BAZ2B: variants seen among roughly 807,000 people sequenced by gnomAD.
BAZ2B encodes the protein bromodomain adjacent to zinc finger domain protein 2B.
BAZ2B carries 91 observed loss-of-function variants against 246.0 expected under a neutral mutation model. The observed-to-expected ratio is 0.37, with a 90% CI of 0.31 to 0.44. The LOEUF is 0.44. Among genes scored for constraint, BAZ2B ranks in the 20% least tolerant of loss-of-function variants. The probability of loss-of-function intolerance (pLI) is 1.00; values close to 1 mark genes in which losing one functional copy is unlikely to be tolerated. For missense variants in BAZ2B, 2,332 were observed against 2,533.7 expected, an observed-to-expected ratio of 0.92 and a Z score of 1.71; for synonymous variants, 855 against 860.0, an observed-to-expected ratio of 0.99 and a Z score of 0.10.
chr2:159,527,517 C>A (rs1288367480), intron 2 of BAZ2B, among the ~76,000 whole-genome samples: 1 of 152,160 alleles, frequency 6.6e-6, no homozygotes, highest in East Asian at 1.9e-4. Context: ...CATGGAGAAA[C>A]TCTTCACCAA....
chr2:159,406,293 G>C (rs1222700779), intron 14 of BAZ2B, among the ~76,000 whole-genome samples: 4 of 152,198 alleles, frequency 2.6e-5, no homozygotes, highest in Non-Finnish European at 5.9e-5. Context: ...TTGGGGGCTA[G>C]GCTATTGGGA....
intron 2 of BAZ2B, among the ~76,000 whole-genome samples, chr2:159,545,159 T>G (rs1240203327): frequency 2.0e-5 from 3 of 152,204 alleles, no homozygotes; most frequent in Non-Finnish European, 4.4e-5. Flanking sequence ...GTGGAAGATG[T>G]TATCTTTAGT....
chr2:159,455,905 C>T (rs1200419809), intron 3 of BAZ2B, among the ~76,000 whole-genome samples: 1 of 150,324 alleles, frequency 6.7e-6, no homozygotes, highest in African/African-American at 2.4e-5. Context: ...CCAGTCAATT[C>T]AACTTCCTGA....
At chr2:159,504,333 A>C (rs2082116798) in intron 2 of BAZ2B, among the ~76,000 whole-genome samples, 1 of 152,018 alleles carries the variant, frequency 6.6e-6, no homozygotes, top group Non-Finnish European at 1.5e-5. Context: ...GAAACCTTAA[A>C]AATTTTTTTT....
the BAZ2B span, among the ~76,000 whole-genome samples, chr2:159,707,011 T>C: frequency 9.2e-5 from 14 of 152,330 alleles, no homozygotes; most frequent in Admixed American, 4.6e-4. Flanking sequence ...TTCAAACTTA[T>C]CAGCTTCCAC....
chr2:159,698,470 C>T, the BAZ2B span, among the ~76,000 whole-genome samples: 1 of 149,976 alleles, frequency 6.7e-6, no homozygotes, highest in Non-Finnish European at 1.5e-5. Context: ...CACCACTGCA[C>T]TCCAGCCTAG....
the BAZ2B span, among the ~76,000 whole-genome samples, chr2:159,662,196 T>C: frequency 5.9e-5 from 9 of 152,238 alleles, no homozygotes; most frequent in Non-Finnish European, 1.2e-4. Flanking sequence ...CCAAAAATAA[T>C]ATTCCATTGG....
chr2:159,596,605 T>A (rs1207524595), intron 1 of BAZ2B, among the ~76,000 whole-genome samples: 1 of 152,222 alleles, frequency 6.6e-6, no homozygotes, highest in Non-Finnish European at 1.5e-5. Context: ...TGGTGATCTG[T>A]GAGATTTTGG....
the BAZ2B span, among the ~76,000 whole-genome samples, chr2:159,652,162 T>C: frequency 6.6e-6 from 1 of 152,020 alleles, no homozygotes; most frequent in African/African-American, 2.4e-5. Flanking sequence ...TCCCCAGCAA[T>C]GTACAGGGAT....
At chr2:159,420,142 T>C (rs2068473461) in intron 13 of BAZ2B, among the ~76,000 whole-genome samples, 1 of 152,242 alleles carries the variant, frequency 6.6e-6, no homozygotes, top group Non-Finnish European at 1.5e-5. Context: ...TCAGTTTCTC[T>C]ATGAACATTA....
chr2:159,317,733 A>G (rs1471264583), downstream of BAZ2B, among the ~76,000 whole-genome samples: 2 of 152,108 alleles, frequency 1.3e-5, no homozygotes, highest in African/African-American at 4.8e-5. Context: ...CAATTATGTG[A>G]CAGCAGAGAG....
At chr2:159,646,215 C>A in the BAZ2B span, among the ~76,000 whole-genome samples, 1 of 152,142 alleles carries the variant, frequency 6.6e-6, no homozygotes, top group African/African-American at 2.4e-5. Context: ...ATGTTCCTTG[C>A]TGAGAAAAAG....
At chr2:159,419,421 T>C (rs960719797) in intron 13 of BAZ2B, among the ~76,000 whole-genome samples, 21 of 152,348 alleles carry the variant, frequency 1.4e-4, no homozygotes, top group African/African-American at 4.6e-4. Context: ...TTTAGTATTA[T>C]GTCTATTTCT....
At chr2:159,709,145 GA>G in the BAZ2B span, among the ~76,000 whole-genome samples, 152 of 147,600 alleles carry the variant, frequency 1.0e-3, no homozygotes, top group African/African-American at 3.6e-3. Flanking sequence ...GATAAAAAAA[GA>G]AAAAAAAAAA....
chr2:159,346,815 G>T (rs907981908), intron 31 of BAZ2B, among the ~76,000 whole-genome samples: 3 of 152,018 alleles, frequency 2.0e-5, no homozygotes, highest in African/African-American at 7.3e-5. Context: ...CTTGCACAAG[G>T]GTAAAGCTTT....
At chr2:159,336,059 G>A (rs2065612148) in intron 33 of BAZ2B, among the ~76,000 whole-genome samples, 1 of 152,170 alleles carries the variant, frequency 6.6e-6, no homozygotes, top group Non-Finnish European at 1.5e-5. Context: ...TACTCAGGAG[G>A]CTGATGCAGG....
chr2:159,488,910 C>T (rs2080141562), intron 2 of BAZ2B, among the ~76,000 whole-genome samples: 1 of 152,018 alleles, frequency 6.6e-6, no homozygotes, highest in Non-Finnish European at 1.5e-5. Context: ...TTCCAGGTAC[C>T]ATTAACCTAA....
At chr2:159,701,254 A>C in the BAZ2B span, among the ~76,000 whole-genome samples, 2 of 152,218 alleles carry the variant, frequency 1.3e-5, no homozygotes, top group African/African-American at 4.8e-5. Flanking sequence ...TACAATTTAT[A>C]CATACAATTT....
rs762546635 is a variant in BAZ2B, at chr2:159,350,279, G to A, written c.4292C>T (p.Thr1431Ile). ...TGAACAATTTAAACTGTCCCCAGAA[G>A]TCTCAAACATTTCTTCTTTGATCTG... ...SVQIKEEMFE[T>I]SGDSLNCSNT... Residue 1431 changes from threonine (T) to isoleucine (I), a missense_variant, in exon 28 of 37, where the codon ACT becomes ATT. By Grantham distance (89) the Thr-to-Ile change is moderately conservative (BLOSUM62 -1). This residue lies in a region of BAZ2B where 676 missense variants were observed against 668.6 expected (regional missense o/e 1.01). Transcript: ENST00000392783. 4 of 1,609,444 alleles carry A rather than the reference G, an allele frequency of 2.5e-6. No homozygotes were observed. Among genetic ancestry groups the A allele is most frequent in the South Asian group, 2.2e-5 (2 of 90,336 alleles).
Sources: gnomAD v4.1 joint callset for allele counts (sites outside exome capture counted in the v4.1 genomes callset) on GRCh38, gnomAD v4.1.1 for gene constraint, gnomAD v4.1.1 regional missense constraint, MANE v1.5 for transcripts, NCBI Gene and HGNC (gene_info 2026-07-23, HGNC 2026-07-21) for gene names.